The following ARMCX4 variants were observed in gnomAD, a reference collection of about 807,000 sequenced individuals.
ARMCX4 encodes the protein armadillo repeat-containing X-linked protein 4.
A neutral mutation model predicts 34.7 loss-of-function variants in ARMCX4; 3 were observed. That is an observed-to-expected ratio of 0.09 (90% CI 0.04 to 0.22). ARMCX4 has a LOEUF of 0.22. Among genes scored for constraint, ARMCX4 ranks in the 10% least tolerant of loss-of-function variants. ARMCX4 has a pLI of 1.00. For missense variants in ARMCX4, 1,448 were observed against 1,720.8 expected (o/e 0.84, Z 2.81); for synonymous variants, 513 against 632.8 (o/e 0.81, Z 2.84).
intron 11 of ARMCX4, among the ~76,000 whole-genome samples, chrX:101,525,396 C>T (rs1556020163): frequency 9.0e-6 from 1 of 111,660 alleles, no homozygotes; most frequent in Non-Finnish European, 1.9e-5. Flanking sequence ...ATTCTAAAAA[C>T]CAGAGCGCCT....
chrX:101,493,494 G>T lies in ARMCX4; in HGVS notation c.4905G>T (p.Trp1635Cys). 8.7e-7 allele frequency: 1 copy of T among 1,155,614 alleles called. No individual in the cohort carries two copies. Among genetic ancestry groups the T allele is most frequent in the Non-Finnish European group, 1.1e-6 (1 of 872,774 alleles). The change falls in exon 6 of 6, where the codon TGG (tryptophan) becomes TGT (cysteine). Residue 1635 changes from tryptophan to cysteine, a missense_variant. Physicochemically the swap from Trp to Cys is radical, Grantham distance 215. This residue lies in a region of ARMCX4 where 1,343 missense variants were observed against 1,540.7 expected (regional missense o/e 0.87). Transcript: ENST00000423738. ...GPADQSSGGS[W>C]AGTGNQSSGR... The stretch of plus-strand genomic sequence containing the variant: ...CAGACCAGTCCAGTGGTGGGTCCTG[G>T]GCTGGCACTGGGAATCAGTCCAGTG...
chrX:101,492,852 C>A lies in ARMCX4; in HGVS notation c.4263C>A (p.Ser1421=). Residue 1421 remains serine, a synonymous_variant, in exon 6 of 6, where the codon TCC becomes TCA. Transcript: ENST00000423738. The part of the protein sequence containing the change: ...GGSKVGPEDQ[S]SGRSWANSGD... ...CCAAGGTGGGGCCTGAAGACCAGTC[C>A]AGTGGAAGGTCATGGGCTAACTCTG... The A allele has an allele frequency of 4.3e-6, 5 of 1,154,816 alleles. No homozygotes were observed. The highest frequency in any genetic ancestry group is 5.7e-6 in the Non-Finnish European group (5 of 872,498).
intron 11 of ARMCX4, chrX:101,524,271 GA>G (rs1224059283): frequency 8.9e-6 from 1 of 112,371 alleles, no homozygotes; most frequent in African/African-American, 3.2e-5. Context: ...TAATCTCAAA[GA>G]AAACCACCTC....
At chrX:101,500,574 A>G (rs1556013329), downstream of ARMCX4, among the ~76,000 whole-genome samples, 1 of 112,245 alleles carries the variant, frequency 8.9e-6, no homozygotes, top group Non-Finnish European at 1.9e-5. Flanking sequence ...ACACTAGACT[A>G]CTGAAAACTC....
In ARMCX4 at chrX:101,509,608, C is replaced by T. The variant is rs782346502; in HGVS notation, c.*1679C>T. The T allele has an allele frequency of 2.7e-5, 3 of 111,037 alleles. No individual in the cohort carries two copies. In the East Asian group the frequency reaches 8.5e-4, roughly 31 times the overall value. The allele number at this position is 111,037 out of a possible 1,213,427, so 9.2% of individuals were successfully genotyped here. On this transcript the variant is annotated 3_prime_UTR_variant and NMD_transcript_variant, in exon 10 of 13. Coordinates refer to the ARMCX4 transcript ENST00000354842. ...TTTGTAGATGGTTTTGCCACATTGC[C>T]CAGGATGGCCTTGAACTCCTGGGCT...
Position 101,494,252 on chromosome X carries a change from G to A in ARMCX4, c.5663G>A (p.Ser1888Asn). Residue 1888 changes from serine (S) to asparagine (N), a missense_variant, in exon 6 of 6, where the codon AGT becomes AAT. By Grantham distance (46) the Ser-to-Asn change is conservative (BLOSUM62 1). Around this residue, in one of 2 missense-constraint regions of ARMCX4, gnomAD observed 1,343 missense variants for 1,540.7 expected, o/e 0.87. Transcript: ENST00000423738. ...LARNVGEDELSRESSPDIEEI... is the reference protein window; with the variant it reads ...LARNVGEDELNRESSPDIEEI... ...AGGAATGTGGGAGAGGATGAGCTAA[G>A]TAGAGAGTCCAGCCCTGATATTGAG... 1 of 1,155,144 alleles carries A rather than the reference G, an allele frequency of 8.7e-7. No homozygotes were observed. The highest frequency in any genetic ancestry group is 1.8e-5 in the African/African-American group (1 of 56,243).
At chrX:101,521,011 A>C (rs1222102437) in intron 11 of ARMCX4, among the ~76,000 whole-genome samples, 1 of 105,832 alleles carries the variant, frequency 9.4e-6, no homozygotes, top group Non-Finnish European at 1.9e-5. Context: ...GGCTCACCAC[A>C]GTCTCCACCT....
At chrX:101,444,423 C>A (rs782687002) in intron 3 of ARMCX4, among the ~76,000 whole-genome samples, 8 of 112,379 alleles carry the variant, frequency 7.1e-5, no homozygotes, top group African/African-American at 2.3e-4. Flanking sequence ...GTTTCTTATT[C>A]CCCACCCTTG....
chrX:101,500,018 T>G (rs1556013156), downstream of ARMCX4, among the ~76,000 whole-genome samples: 1 of 112,007 alleles, frequency 8.9e-6, no homozygotes, highest in African/African-American at 3.2e-5. Context: ...TAGTAATGAT[T>G]TCTCTGGTCC....
intron 2 of ARMCX4, among the ~76,000 whole-genome samples, chrX:101,439,403 A>G (rs1448358963): frequency 9.0e-6 from 1 of 110,880 alleles, no homozygotes; most frequent in African/African-American, 3.3e-5. Context: ...TGCCCTTAAC[A>G]TTTTTTCCTT....
At chrX:101,475,714 A>G (rs1401258930) in intron 4 of ARMCX4, among the ~76,000 whole-genome samples, 3 of 111,894 alleles carry the variant, frequency 2.7e-5, no homozygotes, top group East Asian at 2.8e-4. Flanking sequence ...TGCATTATCA[A>G]TATAAGACAG....
chrX:101,525,325 C>A (rs111591348), intron 11 of ARMCX4, among the ~76,000 whole-genome samples: 1 of 111,703 alleles, frequency 9.0e-6, no homozygotes. Flanking sequence ...TCACCGTCAT[C>A]AAAGACCAAA....
chrX:101,427,079 A>G (rs905052209), intron 2 of ARMCX4, among the ~76,000 whole-genome samples: 5 of 111,382 alleles, frequency 4.5e-5, no homozygotes, highest in Non-Finnish European at 7.5e-5. Context: ...AGTTTGTTGT[A>G]TTTTCCAATT....
intron 2 of ARMCX4, among the ~76,000 whole-genome samples, chrX:101,420,160 C>T (rs1416983664): frequency 3.6e-5 from 4 of 111,514 alleles, no homozygotes; most frequent in East Asian, 2.8e-4. Context: ...GAGTTCGAGA[C>T]GAGCCTGGCC....
At chrX:101,436,455 T>C (rs1438461867) in intron 2 of ARMCX4, among the ~76,000 whole-genome samples, 1 of 110,698 alleles carries the variant, frequency 9.0e-6, no homozygotes, top group Non-Finnish European at 1.9e-5. Flanking sequence ...TGTCTGTTAT[T>C]GGTGTATAAG....
downstream of ARMCX4, among the ~76,000 whole-genome samples, chrX:101,500,648 A>C (rs782748042): frequency 3.6e-5 from 4 of 112,489 alleles, no homozygotes; most frequent in African/African-American, 9.7e-5. Flanking sequence ...AGCAGAAAGC[A>C]TGGCCTTAAG....
chrX:101,428,602 C>A (rs1426350837), intron 2 of ARMCX4, among the ~76,000 whole-genome samples: 4 of 111,717 alleles, frequency 3.6e-5, no homozygotes, highest in Non-Finnish European at 7.5e-5. Context: ...TCCTATATTT[C>A]TTTTTCTCTC....
intron 11 of ARMCX4, among the ~76,000 whole-genome samples, chrX:101,528,465 G>A (rs1465001772): frequency 9.0e-6 from 1 of 111,494 alleles, no homozygotes; most frequent in Non-Finnish European, 1.9e-5. Flanking sequence ...TCAACATAGT[G>A]TTGGAAATTA....
chrX:101,438,434 G>A (rs1256722693), intron 2 of ARMCX4, among the ~76,000 whole-genome samples: 6 of 110,769 alleles, frequency 5.4e-5, no homozygotes, highest in East Asian at 5.7e-4. Context: ...GTATGGTGGT[G>A]GGCACCTGTA....
Sources: gnomAD v4.1 joint callset for allele counts (sites outside exome capture counted in the v4.1 genomes callset) on GRCh38, gnomAD v4.1.1 for gene constraint, gnomAD v4.1.1 regional missense constraint, MANE v1.5 for transcripts, NCBI Gene and HGNC (gene_info 2026-07-23, HGNC 2026-07-21) for gene names.